Variants in LHFPL6 observed in about 807,000 individuals in gnomAD.
The protein encoded by LHFPL6 is LHFPL tetraspan subfamily member 6, also known as LHFPL tetraspan subfamily member 6 protein.
In LHFPL6, 9 loss-of-function variants were observed where a neutral mutation model predicts 20.6. The ratio of observed to expected loss-of-function variants is 0.44; its 90% confidence interval spans 0.26 to 0.76. The LOEUF (loss-of-function observed/expected upper bound fraction) is 0.76, where lower values mean the gene tolerates loss of function less well. Among genes scored for constraint, LHFPL6 ranks in the 30% least tolerant of loss-of-function variants. The probability of loss-of-function intolerance (pLI) is 0.20; values close to 1 mark genes in which losing one functional copy is unlikely to be tolerated. For missense variants in LHFPL6, 218 were observed against 253.5 expected, an observed-to-expected ratio of 0.86 and a Z score of 0.95; for synonymous variants, 105 against 98.7, an observed-to-expected ratio of 1.06 and a Z score of -0.38.
chr13:39,387,574 A>G (rs1186538337), intron 2 of LHFPL6, among the ~76,000 whole-genome samples: 1 of 150,292 alleles, frequency 6.7e-6, no homozygotes, highest in Non-Finnish European at 1.5e-5. Context: ...AAAAAAAAGA[A>G]TATATCATTA....
chr13:39,390,857 C>T (rs1378241209), intron 2 of LHFPL6, among the ~76,000 whole-genome samples: 3 of 151,964 alleles, frequency 2.0e-5, no homozygotes, highest in South Asian at 2.1e-4. Context: ...ATTAGCCAGG[C>T]GTGGTGGCGT....
chr13:39,579,825 C>T lies in LHFPL6; in HGVS notation c.385+21007G>A, dbSNP rs1872225874. Among the ~76,000 whole-genome samples the T allele has an allele frequency of 1.3e-5, 2 of 152,108 alleles. 1 individual carries two copies. Among genetic ancestry groups the T allele is most frequent in the South Asian group, 4.1e-4 (2 of 4,826 alleles). On this transcript the variant is annotated intron_variant, in intron 2 of 3. Transcript: ENST00000379589. ...CAATATAACATGATACTGAAGCTTGCTGTTGGTAGAATAACAATGGCATCT... is the reference window on the plus strand; with the variant it reads ...CAATATAACATGATACTGAAGCTTGTTGTTGGTAGAATAACAATGGCATCT...
At chr13:39,458,693 TAAA>T (rs60626867) in intron 2 of LHFPL6, among the ~76,000 whole-genome samples, 7 of 97,604 alleles carry the variant, frequency 7.2e-5, no homozygotes, top group Admixed American at 3.6e-4. Context: ...ATACCCTGCC[TAAA>T]AAAAAAAAAA....
chr13:39,587,865 G>A (rs953810541), intron 2 of LHFPL6, among the ~76,000 whole-genome samples: 12 of 152,168 alleles, frequency 7.9e-5, no homozygotes, highest in Middle Eastern at 3.4e-3. Context: ...TTTCTGATGA[G>A]AGCTGGGATC....
chr13:39,538,476 A>G (rs1870695729), intron 2 of LHFPL6, among the ~76,000 whole-genome samples: 1 of 146,696 alleles, frequency 6.8e-6, no homozygotes, highest in Non-Finnish European at 1.5e-5. Flanking sequence ...CGGGTCAGAG[A>G]GCAACATACT....
At chr13:39,569,260 G>A (rs538945904) in intron 2 of LHFPL6, among the ~76,000 whole-genome samples, 35 of 152,198 alleles carry the variant, frequency 2.3e-4, no homozygotes, top group African/African-American at 6.7e-4. Context: ...GAGCTTATCC[G>A]CAAATGTCTT....
intron 2 of LHFPL6, among the ~76,000 whole-genome samples, chr13:39,574,276 A>G (rs1238795640): frequency 6.6e-6 from 1 of 152,058 alleles, no homozygotes; most frequent in Non-Finnish European, 1.5e-5. Context: ...AGGTCAGGAG[A>G]ACAAGATCAT....
intron 2 of LHFPL6, among the ~76,000 whole-genome samples, chr13:39,571,339 T>TA (rs1871908146): frequency 6.6e-6 from 1 of 152,210 alleles, no homozygotes; most frequent in Non-Finnish European, 1.5e-5. Flanking sequence ...TACATATCCC[T>TA]ACCCTTTCCT....
At chr13:39,593,854 G>T (rs1324145451) in intron 2 of LHFPL6, among the ~76,000 whole-genome samples, 1 of 152,206 alleles carries the variant, frequency 6.6e-6, no homozygotes, top group African/African-American at 2.4e-5. Flanking sequence ...TGACAAAAAT[G>T]AGAAATGGGG....
chr13:39,442,900 G>A (rs1322439515), intron 2 of LHFPL6, among the ~76,000 whole-genome samples: 14 of 152,062 alleles, frequency 9.2e-5, no homozygotes, highest in Non-Finnish European at 1.5e-5. Context: ...CTCAGTTCCT[G>A]AGCTAACTGA....
At chr13:39,591,577 T>C (rs771656349) in intron 2 of LHFPL6, among the ~76,000 whole-genome samples, 3 of 152,174 alleles carry the variant, frequency 2.0e-5, no homozygotes, top group Non-Finnish European at 4.4e-5. Flanking sequence ...TAAGTCTACA[T>C]GCCAATACTA....
chr13:39,480,994 G>T (rs1593329578), intron 2 of LHFPL6, among the ~76,000 whole-genome samples: 1 of 152,106 alleles, frequency 6.6e-6, no homozygotes, highest in East Asian at 1.9e-4. Context: ...AACTTAATGT[G>T]TTATATATTT....
chr13:39,532,635 A>G (rs1870499362), intron 2 of LHFPL6, among the ~76,000 whole-genome samples: 1 of 152,214 alleles, frequency 6.6e-6, no homozygotes, highest in Non-Finnish European at 1.5e-5. Flanking sequence ...AGTTTGAATC[A>G]ATCAAAATAG....
At chr13:39,425,239 A>G (rs1871608155) in intron 2 of LHFPL6, among the ~76,000 whole-genome samples, 1 of 152,184 alleles carries the variant, frequency 6.6e-6, no homozygotes, top group African/African-American at 2.4e-5. Context: ...AATTGAGCAT[A>G]TTATCAATAG....
chr13:39,378,486 G>T lies in LHFPL6; in HGVS notation c.426C>A (p.Gly142=). The change falls in exon 3 of 4, where the codon GGC becomes GGA. Residue 142 remains glycine (G), a synonymous_variant. Transcript: ENST00000379589. Reference sequence around the variant, plus strand: ...TCTGCCGGACTTCCTCACTGTCCCAGCCCAAGGGGTAGAGGGCACAGCCAG... The same window carrying T: ...TCTGCCGGACTTCCTCACTGTCCCATCCCAAGGGGTAGAGGGCACAGCCAG... ...IGAGCALYPL[G]WDSEEVRQTC... 6.2e-7 allele frequency: 1 copy of T among 1,613,966 alleles called. No individual in the cohort carries two copies.
chr13:39,384,155 A>G lies in LHFPL6; in HGVS notation c.386-5629T>C, dbSNP rs1018172850. Among the ~76,000 whole-genome samples the G allele has an allele frequency of 2.6e-5, 4 of 152,240 alleles. No homozygotes were observed. The East Asian group carries it at 7.7e-4, about 29-fold the overall frequency. The stretch of plus-strand genomic sequence containing the variant: ...AATACTGATCTTAATACCCCACCGT[A>G]TTTCTTGAACATCATCCATTTCCTT... On this transcript the variant is annotated intron_variant, in intron 2 of 3. Coordinates refer to ENST00000379589, the MANE Select transcript of LHFPL6 (RefSeq NM_005780.3).
chr13:39,436,467 C>T (rs905193928), intron 2 of LHFPL6, among the ~76,000 whole-genome samples: 22 of 152,152 alleles, frequency 1.4e-4, no homozygotes, highest in African/African-American at 4.8e-4. Flanking sequence ...AGAAACATCT[C>T]TTCCTTTTTC....
At chr13:39,567,997 C>A (rs1216374699) in intron 2 of LHFPL6, among the ~76,000 whole-genome samples, 1 of 152,200 alleles carries the variant, frequency 6.6e-6, no homozygotes, top group Non-Finnish European at 1.5e-5. Context: ...TACTTTGTTA[C>A]TATCACTCTT....
At position 39,431,723 on chromosome 13, in the gene LHFPL6, G is replaced by GGA. The variant is rs1555262195; in HGVS notation, c.386-53198_386-53197insTC. Among the ~76,000 whole-genome samples, 4 of 147,052 alleles carry GGA rather than the reference G, an allele frequency of 2.7e-5. 1 individual carries two copies. The highest frequency in any genetic ancestry group is 5.0e-5 in the African/African-American group (2 of 39,684). The stretch of plus-strand genomic sequence containing the variant: ...AAAAGCCCTGTAGAATTTGTGGGGG[G>GGA]GGGGGGCTTCCTCTCATATTCCACA... On this transcript the variant is annotated intron_variant, in intron 2 of 3. Transcript: ENST00000379589.
Sources: allele counts gnomAD v4.1 joint callset (sites outside exome capture counted in the v4.1 genomes callset), GRCh38; gene constraint gnomAD v4.1.1; transcripts MANE v1.5; gene names NCBI Gene and HGNC (gene_info 2026-07-23, HGNC 2026-07-21).